NBAS: variants seen among roughly 807,000 people sequenced by gnomAD.
NBAS encodes the protein NBAS subunit of NRZ tethering complex.
In NBAS, 219 loss-of-function variants were observed where a neutral mutation model predicts 302.5. The observed-to-expected ratio is 0.72, with a 90% CI of 0.65 to 0.81. NBAS has a LOEUF of 0.81. NBAS is among the 30% of genes least tolerant of loss of function. NBAS has a pLI of 0.00. For missense variants in NBAS, 2,932 were observed against 2,841.6 expected (o/e 1.03, Z -0.72); for synonymous variants, 1,118 against 1,021.6 (o/e 1.09, Z -1.80).
At chr2:15,299,404 C>T (rs931015841) in intron 40 of NBAS, among the ~76,000 whole-genome samples, 2 of 152,168 alleles carry the variant, frequency 1.3e-5, no homozygotes, top group East Asian at 3.9e-4. Context: ...TAATCTACTG[C>T]TTACTACTAG....
At chr2:14,884,815 T>A in the NBAS span, among the ~76,000 whole-genome samples, 2 of 152,194 alleles carry the variant, frequency 1.3e-5, no homozygotes, top group East Asian at 3.9e-4. Flanking sequence ...AGGAATGTAA[T>A]CGAGGAAGCT....
At chr2:15,347,089 C>G (rs1402514497) in intron 35 of NBAS, among the ~76,000 whole-genome samples, 1 of 152,120 alleles carries the variant, frequency 6.6e-6, no homozygotes, top group Non-Finnish European at 1.5e-5. Flanking sequence ...TGTAACAAAC[C>G]TGCACATTCT....
At chr2:15,456,980 T>C (rs1474502505) in intron 21 of NBAS, among the ~76,000 whole-genome samples, 1 of 152,080 alleles carries the variant, frequency 6.6e-6, no homozygotes, top group African/African-American at 2.4e-5. Flanking sequence ...AAGACCTTTA[T>C]GAAGAGATAT....
At chr2:15,400,029 C>T (rs1304214629) in intron 26 of NBAS, among the ~76,000 whole-genome samples, 2 of 151,972 alleles carry the variant, frequency 1.3e-5, no homozygotes, top group South Asian at 2.1e-4. Context: ...CAATCTTTGA[C>T]AGGAAGCTAT....
rs200596646 is a variant in NBAS, at chr2:15,220,857, C to CT, written c.6237-1890dup. On this transcript the variant is annotated intron_variant, in intron 47 of 51. Transcript: ENST00000281513. Reference sequence around the variant, plus strand: ...TCCATGCCCTAATAAGATTACAAGTCTTTTTTTTTTAACTTCTGAGAAGAA... The same window carrying CT: ...TCCATGCCCTAATAAGATTACAAGTCTTTTTTTTTTTAACTTCTGAGAAGAA... Among the ~76,000 whole-genome samples, 671 of 148,878 alleles carry CT rather than the reference C, an allele frequency of 4.5e-3. 6 individuals are homozygous for CT. The highest frequency in any genetic ancestry group is 0.015 in the South Asian group (71 of 4,702).
At chr2:15,377,661 C>T (rs1674811013) in intron 30 of NBAS, among the ~76,000 whole-genome samples, 1 of 152,162 alleles carries the variant, frequency 6.6e-6, no homozygotes, top group African/African-American at 2.4e-5. Context: ...CACTCTGCTG[C>T]TTCTTGGACA....
Position 15,475,860 on chromosome 2 carries a change from G to A in NBAS, c.1168C>T (p.Leu390=), listed in dbSNP as rs373209333. Residue 390 remains leucine (L), a synonymous_variant, in exon 14 of 52, where the codon CTG becomes TTG. Coordinates refer to ENST00000281513, the MANE Select transcript of NBAS (RefSeq NM_015909.4). ...TCTGCCCACCAATTGACATCTATCAGTGGGTAAAAGGACTCTTTATCTAAG... is the reference window on the plus strand; with the variant it reads ...TCTGCCCACCAATTGACATCTATCAATGGGTAAAAGGACTCTTTATCTAAG... ...KIKDKESFYP[L]IDVNWWADSA... 1.9e-5 allele frequency: 30 copies of A among 1,613,588 alleles called. No individual in the cohort carries two copies. The highest frequency in any genetic ancestry group is 1.7e-4 in the African/African-American group (13 of 74,922).
intron 11 of NBAS, among the ~76,000 whole-genome samples, chr2:15,492,548 C>T (rs192165685): frequency 2.0e-5 from 3 of 152,238 alleles, no homozygotes; most frequent in Non-Finnish European, 4.4e-5. Flanking sequence ...CCTCTGCCTC[C>T]CAGGCTCAAG....
intron 45 of NBAS, among the ~76,000 whole-genome samples, chr2:15,236,634 A>C (rs1667608400): frequency 6.6e-6 from 1 of 151,434 alleles, no homozygotes; most frequent in Non-Finnish European, 1.5e-5. Context: ...ATAAGTTTAA[A>C]ATAATTTTAG....
chr2:15,041,734 A>G, the NBAS span, among the ~76,000 whole-genome samples: 1 of 152,350 alleles, frequency 6.6e-6, no homozygotes, highest in Non-Finnish European at 1.5e-5. Flanking sequence ...TCTACCCGGC[A>G]GCTGTCCAGT....
the NBAS span, among the ~76,000 whole-genome samples, chr2:14,867,133 T>A: frequency 6.6e-6 from 1 of 152,160 alleles, no homozygotes; most frequent in Non-Finnish European, 1.5e-5. Flanking sequence ...TGAAACAACT[T>A]GATATATCAT....
the NBAS span, among the ~76,000 whole-genome samples, chr2:14,814,455 T>A: frequency 6.6e-6 from 1 of 152,022 alleles, no homozygotes; most frequent in Non-Finnish European, 1.5e-5. Context: ...AGACATGGAG[T>A]CAAAGGTGAT....
At chr2:14,885,481 G>T in the NBAS span, among the ~76,000 whole-genome samples, 1 of 152,148 alleles carries the variant, frequency 6.6e-6, no homozygotes, top group Non-Finnish European at 1.5e-5. Context: ...GCCCACTGAT[G>T]TCCACAGCAG....
the NBAS span, among the ~76,000 whole-genome samples, chr2:14,976,789 T>C: frequency 2.6e-5 from 4 of 152,182 alleles, no homozygotes; most frequent in South Asian, 8.3e-4. Flanking sequence ...CATGTGAAGA[T>C]GAAGGCAGTG....
the NBAS span, among the ~76,000 whole-genome samples, chr2:14,828,146 G>A: frequency 9.2e-5 from 14 of 152,026 alleles, no homozygotes; most frequent in Admixed American, 7.9e-4. Flanking sequence ...AAATAAATTA[G>A]GTGGACATGG....
chr2:14,931,212 A>G, the NBAS span, among the ~76,000 whole-genome samples: 1 of 152,376 alleles, frequency 6.6e-6, no homozygotes, highest in Admixed American at 6.5e-5. Context: ...GGAAGATGCC[A>G]GCAGGCTGAG....
chr2:15,484,396 T>C (rs1680543780), intron 12 of NBAS, among the ~76,000 whole-genome samples: 1 of 152,164 alleles, frequency 6.6e-6, no homozygotes, highest in Non-Finnish European at 1.5e-5. Context: ...TAACATTTAG[T>C]GATCTCAAGT....
chr2:15,513,606 G>GTT lies in NBAS; in HGVS notation c.747-2258_747-2257dup, dbSNP rs778219715. On this transcript the variant is annotated intron_variant, in intron 9 of 51. Transcript: ENST00000281513. ...AGAAAATACAAAATAAATGGCCTGGGTTTTTTTTTTTTCAGAACCCACACA... is the reference window on the plus strand; with the variant it reads ...AGAAAATACAAAATAAATGGCCTGGGTTTTTTTTTTTTTTCAGAACCCACACA... Among the ~76,000 whole-genome samples the GTT allele has an allele frequency of 5.6e-3, 808 of 143,136 alleles. 2 individuals carry two copies. The highest frequency in any genetic ancestry group is 8.2e-3 in the Non-Finnish European group (538 of 65,266). 93.9% of individuals were successfully genotyped at this position (143,136 alleles called of 152,430 possible). A position where few individuals can be genotyped will look rare whatever the true frequency, so the allele number is the denominator to read the frequency against.
chr2:15,427,780 G>A lies in NBAS; in HGVS notation c.2354C>T (p.Ser785Phe). 1.9e-6 allele frequency: 3 copies of A among 1,612,842 alleles called. No individual in the cohort carries two copies. The highest frequency in any genetic ancestry group is 1.7e-4 in the Middle Eastern group (1 of 6,056). Residue 785 changes from serine (S) to phenylalanine (F), a missense_variant, in exon 22 of 52, where the codon TCC becomes TTC. Ser to Phe is a radical substitution (Grantham distance 155). Coordinates refer to ENST00000281513, the MANE Select transcript of NBAS (RefSeq NM_015909.4). ...LLPEACFNGD[S>F]LMIIPWHEHK... is the part of the protein sequence containing the mutation. Reference sequence around the variant, plus strand: ...TTCATGCCAAGGAATGATCATCAGGGAGTCACCGTTAAAACTCAAATTTAA... The same window carrying A: ...TTCATGCCAAGGAATGATCATCAGGAAGTCACCGTTAAAACTCAAATTTAA...
Sources: gnomAD v4.1 joint callset for allele counts (sites outside exome capture counted in the v4.1 genomes callset) on GRCh38, gnomAD v4.1.1 for gene constraint, MANE v1.5 for transcripts, NCBI Gene and HGNC (gene_info 2026-07-23, HGNC 2026-07-21) for gene names.